Variants in IQGAP1 observed in about 807,000 individuals in gnomAD.
The protein encoded by IQGAP1 is ras GTPase-activating-like protein IQGAP1.
Under a neutral mutation model 215.6 loss-of-function variants are expected in IQGAP1, and 66 were observed. The observed-to-expected ratio is 0.31, with a 90% confidence interval of 0.25 to 0.38. The LOEUF (loss-of-function observed/expected upper bound fraction) is 0.38. Among genes scored for constraint, IQGAP1 ranks in the 10% least tolerant of loss-of-function variants. The probability of loss-of-function intolerance (pLI) is 1.00; values close to 1 mark genes in which losing one functional copy is unlikely to be tolerated. For synonymous variants in IQGAP1, 772 were observed against 728.7 expected, an observed-to-expected ratio of 1.06 and a Z score of -0.96; for missense variants, 1,712 against 1,997.1, an observed-to-expected ratio of 0.86 and a Z score of 2.72.
At chr15:90,413,144 A>T (rs751707383) in intron 2 of IQGAP1, among the ~76,000 whole-genome samples, 2 of 152,148 alleles carry the variant, frequency 1.3e-5, no homozygotes, top group Non-Finnish European at 1.5e-5. Flanking sequence ...GTAAGACAAG[A>T]TAGACAGGTA....
chr15:90,390,700 G>A (rs1964623199), intron 1 of IQGAP1, 74 bp from the exon 2 acceptor site: 1 of 1,011,342 alleles, frequency 9.9e-7, no homozygotes, highest in Non-Finnish European at 1.6e-6. Context: ...GCAGGAAATT[G>A]ATTCTGTGGC....
chr15:90,487,242 G>A (rs1338034427), intron 32 of IQGAP1, among the ~76,000 whole-genome samples, 153 bp downstream of exon 32: 1 of 152,136 alleles, frequency 6.6e-6, no homozygotes, highest in African/African-American at 2.4e-5. Context: ...TATTGTACTT[G>A]GTACAGGACT....
At chr15:90,449,685 T>A (rs1409404736) in intron 11 of IQGAP1, 42 bp downstream of exon 11, 2 of 1,516,182 alleles carry the variant, frequency 1.3e-6, no homozygotes, top group East Asian at 4.6e-5. Flanking sequence ...AGTTGTGGCT[T>A]TGTGTTATTG....
intron 2 of IQGAP1, among the ~76,000 whole-genome samples, chr15:90,406,842 G>T (rs911204751): frequency 4.6e-5 from 7 of 152,176 alleles, no homozygotes; most frequent in African/African-American, 1.7e-4. Context: ...ATAGGATAAG[G>T]GAGAGAAGTA....
chr15:90,477,151 C>A lies in IQGAP1; in HGVS notation c.3025C>A (p.Leu1009Ile). 6.2e-7 allele frequency: 1 copy of A among 1,613,992 alleles called. No individual in the cohort carries two copies. The highest frequency in any genetic ancestry group is 8.5e-7 in the Non-Finnish European group (1 of 1,179,904). ...TKFMDSVIFT[L>I]YNYASNQREE... ...GTTCATGGACTCTGTAATCTTCACA[C>A]TCTACAACTACGCGTCCAACCAGCG... Residue 1009 changes from leucine (L) to isoleucine (I), a missense_variant, in exon 25 of 38, where the codon CTC becomes ATC. Leu to Ile is a conservative substitution (Grantham distance 5). Coordinates refer to ENST00000268182, the MANE Select transcript of IQGAP1 (RefSeq NM_003870.4).
chr15:90,427,718 C>T (rs1262485762), intron 3 of IQGAP1, among the ~76,000 whole-genome samples: 1 of 151,854 alleles, frequency 6.6e-6, no homozygotes, highest in Non-Finnish European at 1.5e-5. Flanking sequence ...CCAGCCTGGG[C>T]AACAGAGCAA....
intron 18 of IQGAP1, among the ~76,000 whole-genome samples, chr15:90,468,557 A>G (rs1596281854): frequency 2.0e-5 from 3 of 151,822 alleles, no homozygotes; most frequent in Admixed American, 2.0e-4. Context: ...CAGGCTGGGC[A>G]TGGTGGCTCA....
chr15:90,405,290 A>G (rs1161809968), intron 2 of IQGAP1, among the ~76,000 whole-genome samples: 2 of 152,204 alleles, frequency 1.3e-5, no homozygotes, highest in African/African-American at 2.4e-5. Flanking sequence ...TGGCTTAACT[A>G]TCATTTTAGG....
chr15:90,418,161 G>A (rs1965080032), intron 2 of IQGAP1, among the ~76,000 whole-genome samples: 1 of 152,080 alleles, frequency 6.6e-6, no homozygotes, highest in Non-Finnish European at 1.5e-5. Context: ...GTTCCACACA[G>A]TAGTCAGTTC....
intron 15 of IQGAP1, among the ~76,000 whole-genome samples, chr15:90,464,180 A>T (rs1596279497): frequency 6.6e-6 from 1 of 152,306 alleles, no homozygotes; most frequent in South Asian, 2.1e-4. Flanking sequence ...AAGCCTCAGG[A>T]GTATGTTAAT....
chr15:90,415,920 C>T (rs1263832042), intron 2 of IQGAP1, among the ~76,000 whole-genome samples: 1 of 152,178 alleles, frequency 6.6e-6, no homozygotes, highest in Non-Finnish European at 1.5e-5. Context: ...ACTTTTACAC[C>T]TACTTCTCTA....
At chr15:90,473,450 A>G in intron 19 of IQGAP1, 1 of 453,832 alleles carries the variant, frequency 2.2e-6, no homozygotes, top group Non-Finnish European at 4.0e-6. Flanking sequence ...GGTTTGTTGT[A>G]AGAAGCCAGT....
chr15:90,475,538 G>A lies in IQGAP1; in HGVS notation c.2784+845G>A, dbSNP rs528645963. Among the ~76,000 whole-genome samples, 9 of 151,382 alleles carry A rather than the reference G, an allele frequency of 5.9e-5. 1 individual carries two copies. The South Asian group carries it at 1.9e-3, about 32-fold the overall frequency. On this transcript the variant is annotated intron_variant, in intron 23 of 37. Transcript: ENST00000268182. Reference sequence around the variant, plus strand: ...GGCCGAGAAGGGCGGATCACTTGAAGCCAGGAGTTTGAGACCAGCCAGGCC... The same window carrying A: ...GGCCGAGAAGGGCGGATCACTTGAAACCAGGAGTTTGAGACCAGCCAGGCC...
intron 18 of IQGAP1, 120 bp downstream of exon 18, chr15:90,467,712 T>C (rs1398191376): frequency 1.0e-6 from 1 of 998,706 alleles, no homozygotes; most frequent in Non-Finnish European, 1.4e-6. Flanking sequence ...GGTTATGTAA[T>C]GAGCTGTTTT....
At chr15:90,477,033 C>G (rs1370976336) in intron 24 of IQGAP1, 34 bp from the exon 25 acceptor site, 2 of 1,600,116 alleles carry the variant, frequency 1.2e-6, no homozygotes, top group Non-Finnish European at 1.7e-6. Context: ...CTTTATATTA[C>G]CTACAAATGA....
At chr15:90,441,125 AAAAG>A (rs1336291219) in intron 7 of IQGAP1, among the ~76,000 whole-genome samples, 2 of 152,080 alleles carry the variant, frequency 1.3e-5, no homozygotes, top group Non-Finnish European at 2.9e-5. Context: ...AAAAGAAAAA[AAAAG>A]AAAGGAAGTC....
chr15:90,416,577 A>AC (rs1965051839), intron 2 of IQGAP1, among the ~76,000 whole-genome samples: 1 of 119,216 alleles, frequency 8.4e-6, no homozygotes, highest in Non-Finnish European at 1.7e-5. Context: ...TTGTTTCCTG[A>AC]CTTTTTTTTT....
At chr15:90,454,693 G>A in intron 14 of IQGAP1, 141 bp downstream of exon 14, 2 of 930,838 alleles carry the variant, frequency 2.1e-6, no homozygotes, top group South Asian at 2.2e-5. Context: ...GGCTAAAGTT[G>A]GATATTGTTT....
intron 9 of IQGAP1, among the ~76,000 whole-genome samples, chr15:90,444,566 G>A (rs1965500748): frequency 6.6e-6 from 1 of 152,138 alleles, no homozygotes; most frequent in Non-Finnish European, 1.5e-5. Flanking sequence ...TTACAGGCAT[G>A]AGCCACCTTG....
Sources: gnomAD v4.1 joint callset for allele counts (sites outside exome capture counted in the v4.1 genomes callset) on GRCh38, gnomAD v4.1.1 for gene constraint, MANE v1.5 for transcripts, NCBI Gene and HGNC (gene_info 2026-07-23, HGNC 2026-07-21) for gene names.